PDLIM5: variants seen among roughly 807,000 people sequenced by gnomAD.
The protein encoded by PDLIM5 is PDZ and LIM domain 5.
Under a neutral mutation model 64.2 loss-of-function variants are expected in PDLIM5, and 34 were observed. The ratio of observed to expected loss-of-function variants is 0.53; its 90% CI spans 0.40 to 0.71. The LOEUF (loss-of-function observed/expected upper bound fraction) is 0.71, where lower values mean the gene tolerates loss of function less well. PDLIM5 is among the 30% of genes least tolerant of loss of function. PDLIM5 has a pLI of 0.00. For missense variants in PDLIM5, 683 were observed against 733.6 expected, an observed-to-expected ratio of 0.93 and a Z score of 0.80; for synonymous variants, 253 against 269.1, an observed-to-expected ratio of 0.94 and a Z score of 0.59.
At chr4:94,607,115 TTCTTCAACTG>T (rs1196916694) in intron 7 of PDLIM5, among the ~76,000 whole-genome samples, 1 of 152,234 alleles carries the variant, frequency 6.6e-6, no homozygotes, top group Non-Finnish European at 1.5e-5. Flanking sequence ...CATGACATTT[TTCTTCAACTG>T]TCTACGTTTT....
intron 2 of PDLIM5, among the ~76,000 whole-genome samples, chr4:94,508,615 G>T (rs1435131417): frequency 6.6e-6 from 1 of 152,172 alleles, no homozygotes; most frequent in Non-Finnish European, 1.5e-5. Flanking sequence ...CCAGGAGTTG[G>T]CAAGCATGGA....
chr4:94,610,358 CT>C, intron 7 of PDLIM5: 1 of 1,188,568 alleles, frequency 8.4e-7, no homozygotes, highest in Non-Finnish European at 1.1e-6. Context: ...TCTTCACTGT[CT>C]TACAAGTCAC....
At chr4:94,548,283 T>C (rs921100424) in intron 3 of PDLIM5, among the ~76,000 whole-genome samples, 2 of 152,226 alleles carry the variant, frequency 1.3e-5, no homozygotes, top group Non-Finnish European at 2.9e-5. Flanking sequence ...ACCACTCAAA[T>C]GGATTGCCAT....
At chr4:94,612,503 A>G (rs1738453375) in intron 7 of PDLIM5, among the ~76,000 whole-genome samples, 2 of 152,202 alleles carry the variant, frequency 1.3e-5, no homozygotes, top group South Asian at 4.1e-4. Flanking sequence ...GGACCCGGTA[A>G]GAGCTATAGA....
intron 3 of PDLIM5, among the ~76,000 whole-genome samples, chr4:94,534,673 A>C (rs899638542): frequency 6.6e-6 from 1 of 152,236 alleles, no homozygotes; most frequent in Non-Finnish European, 1.5e-5. Context: ...GGACATAATA[A>C]GGATAAGTTT....
At chr4:94,605,825 A>C (rs1737869869) in intron 7 of PDLIM5, among the ~76,000 whole-genome samples, 1 of 151,050 alleles carries the variant, frequency 6.6e-6, no homozygotes, top group South Asian at 2.1e-4. Context: ...TTTCACGGAG[A>C]TGTTGGAAGA....
intron 4 of PDLIM5, 73 bp downstream of exon 4, chr4:94,573,466 C>T: frequency 9.0e-7 from 1 of 1,109,328 alleles, no homozygotes; most frequent in Non-Finnish European, 1.4e-6. Context: ...CCATTACTGT[C>T]TCAGACCATA....
At chr4:94,625,385 A>G (rs557894513) in intron 8 of PDLIM5, among the ~76,000 whole-genome samples, 1 of 152,084 alleles carries the variant, frequency 6.6e-6, no homozygotes, top group South Asian at 2.1e-4. Flanking sequence ...AAAAACATAT[A>G]TTGATATTAG....
At chr4:94,523,948 G>A (rs924714498) in intron 3 of PDLIM5, 73 bp downstream of exon 3, 9 of 1,078,626 alleles carry the variant, frequency 8.3e-6, no homozygotes, top group East Asian at 2.4e-5. Flanking sequence ...TCTGACTCAC[G>A]GTGTTAACTA....
Position 94,481,669 on chromosome 4 carries a change from C to T in PDLIM5, c.96+26285C>T, listed in dbSNP as rs1049551923. On this transcript the variant is annotated intron_variant, in intron 2 of 12. Transcript: ENST00000317968. ...TGTCACCCAGGCTGGAGTGCAGTGG[C>T]GCGATCTCCGCTCACTTTAAGCTCT... Among the ~76,000 whole-genome samples the T allele has an allele frequency of 2.7e-5, 4 of 150,738 alleles. No individual in the cohort carries two copies. In the South Asian group the frequency reaches 6.3e-4, roughly 24 times the overall value.
chr4:94,484,151 T>C (rs760610296), intron 2 of PDLIM5, among the ~76,000 whole-genome samples: 10 of 152,180 alleles, frequency 6.6e-5, no homozygotes, highest in Non-Finnish European at 1.2e-4. Context: ...ATTTTTATCT[T>C]TCAGGTTCAG....
intron 2 of PDLIM5, among the ~76,000 whole-genome samples, chr4:94,506,686 C>T (rs1306252912): frequency 6.6e-6 from 1 of 151,986 alleles, no homozygotes; most frequent in African/African-American, 2.4e-5. Context: ...GCATTCTGTC[C>T]CTGTGTGATG....
chr4:94,495,905 G>C (rs1460845917), intron 2 of PDLIM5, among the ~76,000 whole-genome samples: 1 of 152,194 alleles, frequency 6.6e-6, no homozygotes, highest in Admixed American at 6.5e-5. Context: ...TGAATAGCCT[G>C]CTATGCAGAG....
At chr4:94,496,647 G>T (rs1352011389) in intron 2 of PDLIM5, among the ~76,000 whole-genome samples, 1 of 152,056 alleles carries the variant, frequency 6.6e-6, no homozygotes, top group Non-Finnish European at 1.5e-5. Flanking sequence ...GCACTACCAT[G>T]CCTGGCTAAT....
intron 2 of PDLIM5, among the ~76,000 whole-genome samples, chr4:94,485,370 T>C (rs1277933641): frequency 6.6e-6 from 1 of 152,228 alleles, no homozygotes; most frequent in Non-Finnish European, 1.5e-5. Flanking sequence ...ATGTCTCCCT[T>C]TGATTACATA....
At chr4:94,574,378 G>T (rs1735068214) in intron 4 of PDLIM5, among the ~76,000 whole-genome samples, 1 of 151,632 alleles carries the variant, frequency 6.6e-6, no homozygotes, top group African/African-American at 2.4e-5. Flanking sequence ...CGCATCTGTA[G>T]TCCCAGCTAG....
At chr4:94,559,184 C>T (rs1005572484) in intron 3 of PDLIM5, among the ~76,000 whole-genome samples, 1 of 152,138 alleles carries the variant, frequency 6.6e-6, no homozygotes, top group East Asian at 1.9e-4. Flanking sequence ...TGTCAAATTT[C>T]GGAAACTAGT....
intron 2 of PDLIM5, among the ~76,000 whole-genome samples, chr4:94,515,648 G>C (rs966958668): frequency 3.9e-5 from 6 of 152,066 alleles, no homozygotes; most frequent in Non-Finnish European, 8.8e-5. Flanking sequence ...GAAAAGTCGT[G>C]GTCCCACTCA....
intron 2 of PDLIM5, among the ~76,000 whole-genome samples, chr4:94,466,304 TC>T (rs1052685510): frequency 1.3e-5 from 2 of 152,166 alleles, no homozygotes; most frequent in Non-Finnish European, 2.9e-5. Context: ...TCCTAGAGAA[TC>T]AAAAACTTGT....
Sources: allele counts gnomAD v4.1 joint callset (sites outside exome capture counted in the v4.1 genomes callset), GRCh38; gene constraint gnomAD v4.1.1; transcripts MANE v1.5; gene names NCBI Gene and HGNC (gene_info 2026-07-23, HGNC 2026-07-21).